ADAM12: variants seen among roughly 807,000 people sequenced by gnomAD.
ADAM12 encodes ADAM metallopeptidase domain 12.
A neutral mutation model predicts 106.4 loss-of-function variants in ADAM12; 70 were observed. The observed-to-expected ratio is 0.66, with a 90% CI of 0.54 to 0.80. The LOEUF (loss-of-function observed/expected upper bound fraction) is 0.80. ADAM12 is among the 30% of genes least tolerant of loss of function. The pLI is 0.00. For synonymous variants in ADAM12, 420 were observed against 433.5 expected (o/e 0.97, Z 0.39); for missense variants, 1,010 against 1,171.9 (o/e 0.86, Z 2.02).
At chr10:126,164,510 A>C (rs2133749204) in intron 3 of ADAM12, among the ~76,000 whole-genome samples, 1 of 152,326 alleles carries the variant, frequency 6.6e-6, no homozygotes, top group African/African-American at 2.4e-5. Flanking sequence ...AGAATGTGGA[A>C]ATACAGCTAC....
chr10:126,213,012 G>T (rs1440969026), intron 3 of ADAM12, among the ~76,000 whole-genome samples: 2 of 152,090 alleles, frequency 1.3e-5, no homozygotes, highest in African/African-American at 4.8e-5. Flanking sequence ...GGGATCTTTA[G>T]TAAGTGCACC....
chr10:126,250,600 G>A (rs1958727398), intron 3 of ADAM12, among the ~76,000 whole-genome samples: 1 of 152,128 alleles, frequency 6.6e-6, no homozygotes, highest in African/African-American at 2.4e-5. Context: ...ACAAGGAACC[G>A]CAATGGGGAC....
intron 16 of ADAM12, among the ~76,000 whole-genome samples, chr10:126,046,479 C>T (rs1710315): frequency 0.48 from 73,399 of 151,888 alleles, 22,120 homozygotes; most frequent in African/African-American, 0.84. Context: ...AATCTATGTA[C>T]TGCAGTATTT....
chr10:126,134,709 C>T (rs116239803), intron 5 of ADAM12, among the ~76,000 whole-genome samples: 2,211 of 152,298 alleles, frequency 0.015, 51 homozygotes, highest in African/African-American at 0.049. Context: ...TATTCTCATC[C>T]TCCATGATCC....
At chr10:126,077,428 A>T (rs12413049) in intron 11 of ADAM12, among the ~76,000 whole-genome samples, 17,338 of 152,250 alleles carry the variant, frequency 0.11, 1,208 homozygotes, top group African/African-American at 0.18. Context: ...AGGAGCCTGA[A>T]TAACCAAAGC....
intron 2 of ADAM12, among the ~76,000 whole-genome samples, chr10:126,297,586 C>G (rs549035084): frequency 2.0e-5 from 3 of 151,994 alleles, no homozygotes; most frequent in Non-Finnish European, 4.4e-5. Context: ...GGGAACCACA[C>G]GATGTGATAT....
chr10:126,266,110 T>C (rs1959090580), intron 3 of ADAM12, among the ~76,000 whole-genome samples: 1 of 152,164 alleles, frequency 6.6e-6, no homozygotes, highest in Non-Finnish European at 1.5e-5. Flanking sequence ...CAATTAACTG[T>C]TGCATGCACC....
At chr10:126,042,443 T>A (rs11244780) in intron 18 of ADAM12, among the ~76,000 whole-genome samples, 69,392 of 151,874 alleles carry the variant, frequency 0.46, 16,398 homozygotes, top group South Asian at 0.58. Context: ...ATTAGGCAAA[T>A]TACTTAACTT....
intron 11 of ADAM12, among the ~76,000 whole-genome samples, chr10:126,079,652 G>C (rs1214612646): frequency 1.3e-5 from 2 of 152,140 alleles, no homozygotes; most frequent in Non-Finnish European, 2.9e-5. Context: ...TTCAAATGCT[G>C]TTGTACCTAT....
intron 14 of ADAM12, among the ~76,000 whole-genome samples, chr10:126,063,246 C>T (rs1954794817): frequency 6.6e-6 from 1 of 152,220 alleles, no homozygotes; most frequent in African/African-American, 2.4e-5. Flanking sequence ...GCTAAAGAGG[C>T]CTGCGCTCGT....
At chr10:126,051,504 T>TCCAGCCAG (rs1392649735) in intron 14 of ADAM12, among the ~76,000 whole-genome samples, 8 of 34,530 alleles carry the variant, frequency 2.3e-4, no homozygotes, top group African/African-American at 4.4e-4. Flanking sequence ...CATCCACCCG[T>TCCAGCCAG]CCATCCATCC....
chr10:126,066,802 C>T lies in ADAM12; in HGVS notation c.1328G>A (p.Cys443Tyr), dbSNP rs1040917046. The T allele has an allele frequency of 3.1e-6, 5 of 1,613,956 alleles. No individual in the cohort carries two copies. Among genetic ancestry groups the T allele is most frequent in the Non-Finnish European group, 4.2e-6 (5 of 1,179,812 alleles). The change falls in exon 13 of 23, where the codon TGT becomes TAT. Residue 443 changes from cysteine to tyrosine, a missense_variant. This residue lies in a region of ADAM12 where 615 missense variants were observed against 708.5 expected (regional missense o/e 0.87). Coordinates refer to ENST00000448723, the MANE Select transcript of ADAM12 (RefSeq NM_001288973.2). This position sits in a 1 kb window ranked among gnomAD's most constrained non-coding sequence, Gnocchi z 5.1. ...GGTGGCATTGCAGCAGCGATTCATA[C>T]ATTCCTGGAAAGGGGAATGGCATTT... ...EECDCGEPEE[C>Y]MNRCCNATTC... is the part of the protein sequence containing the mutation.
intron 11 of ADAM12, among the ~76,000 whole-genome samples, chr10:126,079,466 T>C (rs1955170005): frequency 6.6e-6 from 1 of 152,206 alleles, no homozygotes; most frequent in South Asian, 2.1e-4. Flanking sequence ...CTTAGAATAG[T>C]GTTCTCGAGG....
At chr10:126,315,933 T>G (rs181018405) in intron 2 of ADAM12, among the ~76,000 whole-genome samples, 2 of 152,208 alleles carry the variant, frequency 1.3e-5, no homozygotes, top group African/African-American at 4.8e-5. Context: ...CGAAGTCCAC[T>G]TATGAGATTT....
At chr10:126,154,130 C>T (rs1956773921) in intron 4 of ADAM12, among the ~76,000 whole-genome samples, 1 of 152,158 alleles carries the variant, frequency 6.6e-6, no homozygotes, top group Non-Finnish European at 1.5e-5. Flanking sequence ...AACCCAAGCA[C>T]CAGGCCCTCT....
intron 3 of ADAM12, among the ~76,000 whole-genome samples, chr10:126,162,153 C>T (rs1956946903): frequency 6.6e-6 from 1 of 152,148 alleles, no homozygotes; most frequent in Admixed American, 6.5e-5. Context: ...GTGGTCAGGG[C>T]TCCATGACAG....
intron 11 of ADAM12, among the ~76,000 whole-genome samples, chr10:126,090,312 C>CAA (rs58704417): frequency 0.044 from 5,389 of 123,152 alleles, 243 homozygotes; most frequent in Admixed American, 0.14. Context: ...AAACTTTCTG[C>CAA]AAAAAAAAAA....
intron 3 of ADAM12, among the ~76,000 whole-genome samples, chr10:126,227,410 G>C (rs1206655880): frequency 6.6e-6 from 1 of 151,926 alleles, no homozygotes; most frequent in Admixed American, 6.6e-5. Flanking sequence ...TCAACTTCAC[G>C]CACATTGTGA....
chr10:126,093,858 A>G, intron 11 of ADAM12, 127 bp downstream of exon 11: 2 of 1,417,796 alleles, frequency 1.4e-6, no homozygotes, highest in Non-Finnish European at 1.9e-6. Flanking sequence ...CTTGGGAAGG[A>G]ATTACTTTTT....
Sources: gnomAD v4.1 joint callset for allele counts (sites outside exome capture counted in the v4.1 genomes callset) on GRCh38, gnomAD v4.1.1 for gene constraint, gnomAD v4.1.1 regional missense constraint, Gnocchi (gnomAD v3.1) non-coding constraint, MANE v1.5 for transcripts, NCBI Gene and HGNC (gene_info 2026-07-23, HGNC 2026-07-21) for gene names.